The following DMD variants were observed in gnomAD, a reference collection of about 807,000 sequenced individuals.
DMD encodes the protein mutant dystrophin.
DMD carries 63 observed loss-of-function variants against 330.1 expected under a neutral mutation model. The observed-to-expected ratio is 0.19, with a 90% CI of 0.16 to 0.24. DMD has a LOEUF of 0.24. Ranked by LOEUF, DMD falls within the 10% of genes least tolerant of loss-of-function variation. The pLI, the probability that DMD is intolerant of heterozygous loss-of-function variation, is 1.00. For missense variants in DMD, 3,344 were observed against 2,684.1 expected, an observed-to-expected ratio of 1.25 and a Z score of -5.43; for synonymous variants, 1,223 against 959.8, an observed-to-expected ratio of 1.27 and a Z score of -5.07.
chrX:31,989,568 G>A (rs1359380742), intron 44 of DMD, among the ~76,000 whole-genome samples: 1 of 110,591 alleles, frequency 9.0e-6, no homozygotes, highest in East Asian at 2.9e-4. Flanking sequence ...ATTTACAAGC[G>A]CAAGAAAAAA....
intron 2 of DMD, among the ~76,000 whole-genome samples, chrX:32,875,268 A>G (rs1162430387): frequency 9.0e-6 from 1 of 111,424 alleles, no homozygotes; most frequent in Admixed American, 9.5e-5. Context: ...TATTTAACAG[A>G]TTACACCCTG....
chrX:32,851,536 A>G (rs1010009028), intron 2 of DMD, among the ~76,000 whole-genome samples: 2 of 112,620 alleles, frequency 1.8e-5, no homozygotes, highest in Non-Finnish European at 3.7e-5. Flanking sequence ...CCGCTGCTAT[A>G]GAAACACCAA....
At chrX:32,091,102 G>A (rs1462946750) in intron 44 of DMD, among the ~76,000 whole-genome samples, 1 of 111,998 alleles carries the variant, frequency 8.9e-6, no homozygotes, top group Non-Finnish European at 1.9e-5. Flanking sequence ...AGCAGCAGAT[G>A]ATTTTTTTCA....
chrX:31,383,554 T>C (rs892300105), intron 60 of DMD, among the ~76,000 whole-genome samples: 1 of 112,091 alleles, frequency 8.9e-6, no homozygotes, highest in African/African-American at 3.2e-5. Context: ...CCCTTAAGCC[T>C]AAAAGCCTGG....
At chrX:32,231,590 CA>C (rs780254814) in intron 43 of DMD, among the ~76,000 whole-genome samples, 54 of 111,803 alleles carry the variant, frequency 4.8e-4, no homozygotes, top group African/African-American at 1.6e-3. Flanking sequence ...AAAACTGAAA[CA>C]ATTCACTTTT....
At chrX:32,590,938 C>T (rs1416465489) in intron 13 of DMD, among the ~76,000 whole-genome samples, 1 of 111,657 alleles carries the variant, frequency 9.0e-6, no homozygotes, top group Non-Finnish European at 1.9e-5. Context: ...TCTATCTATC[C>T]ATCCATCCAT....
intron 34 of DMD, among the ~76,000 whole-genome samples, chrX:32,379,378 G>T (rs965755082): frequency 1.8e-5 from 2 of 110,792 alleles, no homozygotes; most frequent in Non-Finnish European, 3.8e-5. Flanking sequence ...ACATTTGAAT[G>T]ATTTCATGGT....
intron 44 of DMD, among the ~76,000 whole-genome samples, chrX:32,051,595 T>G (rs941637030): frequency 1.8e-5 from 2 of 109,627 alleles, no homozygotes; most frequent in African/African-American, 6.6e-5. Context: ...TGAATGAATA[T>G]GTAGAAAATC....
chrX:32,632,863 G>T (rs902072628), intron 11 of DMD, among the ~76,000 whole-genome samples: 2 of 112,573 alleles, frequency 1.8e-5, no homozygotes, highest in Non-Finnish European at 3.8e-5. Flanking sequence ...CTGCCTTTTA[G>T]ATCTCTGAAA....
intron 2 of DMD, among the ~76,000 whole-genome samples, chrX:32,914,416 C>A (rs1050004717): frequency 8.9e-6 from 1 of 112,229 alleles, no homozygotes; most frequent in African/African-American, 3.2e-5. Context: ...ACCAGCACAG[C>A]GACTTTAGGC....
intron 60 of DMD, among the ~76,000 whole-genome samples, chrX:31,366,507 A>AAAAAAAAAAAAAAAAAAAAAAAT (rs1556574494): frequency 1.2e-5 from 1 of 85,918 alleles, no homozygotes; most frequent in Non-Finnish European, 2.2e-5. Flanking sequence ...CATAAAAAAA[A>AAAAAAAAAAAAAAAAAAAAAAAT]AAATAAATAA....
At chrX:32,085,341 T>A (rs1440855187) in intron 44 of DMD, among the ~76,000 whole-genome samples, 1 of 109,935 alleles carries the variant, frequency 9.1e-6, no homozygotes, top group African/African-American at 3.3e-5. Flanking sequence ...AATTTTATTA[T>A]GTGAGTATGT....
At chrX:32,518,997 CTTTTTTTTTTT>C (rs56678455) in intron 17 of DMD, among the ~76,000 whole-genome samples, 54 of 42,094 alleles carry the variant, frequency 1.3e-3, no homozygotes, top group African/African-American at 3.1e-3. Flanking sequence ...ATTTTCAAAC[CTTTTTTTTTTT>C]TTTTTTTTTT....
At chrX:32,904,901 C>G (rs945445547) in intron 2 of DMD, among the ~76,000 whole-genome samples, 1 of 111,705 alleles carries the variant, frequency 9.0e-6, no homozygotes, top group Non-Finnish European at 1.9e-5. Flanking sequence ...GTGTATGATT[C>G]AAGTGACTAG....
chrX:33,319,462 AGT>A (rs2053983504), intron 1 of DMD, among the ~76,000 whole-genome samples: 1 of 111,097 alleles, frequency 9.0e-6, no homozygotes, highest in South Asian at 3.8e-4. Context: ...CCCCATGATG[AGT>A]GTGTATGAAA....
chrX:33,081,301 T>C (rs902076903), intron 1 of DMD, among the ~76,000 whole-genome samples: 1 of 111,569 alleles, frequency 9.0e-6, no homozygotes, highest in Non-Finnish European at 1.9e-5. Flanking sequence ...TAAGACGGAG[T>C]CTCGCTCTGT....
intron 60 of DMD, among the ~76,000 whole-genome samples, chrX:31,358,821 T>C (rs2058790943): frequency 8.9e-6 from 1 of 112,342 alleles, no homozygotes; most frequent in African/African-American, 3.2e-5. Flanking sequence ...GTCAACGAAG[T>C]GTAGGTAAAG....
At chrX:31,917,510 T>C (rs1218267410) in intron 47 of DMD, among the ~76,000 whole-genome samples, 1 of 111,792 alleles carries the variant, frequency 8.9e-6, no homozygotes, top group Non-Finnish European at 1.9e-5. Context: ...TGAGTGACAG[T>C]GTTTGCAGTG....
intron 58 of DMD, 37 bp from the exon 59 acceptor site, chrX:31,478,411 C>CT (rs202022179): frequency 9.2e-6 from 11 of 1,199,757 alleles, no homozygotes; most frequent in South Asian, 3.5e-5. Context: ...AGGCCACATT[C>CT]TTTTTTTTTA....
Sources: gnomAD v4.1 joint callset for allele counts (sites outside exome capture counted in the v4.1 genomes callset) on GRCh38, gnomAD v4.1.1 for gene constraint, MANE v1.5 for transcripts, NCBI Gene and HGNC (gene_info 2026-07-23, HGNC 2026-07-21) for gene names.